Variants in FRMD4B observed in about 807,000 individuals in gnomAD.
The protein encoded by FRMD4B is FERM domain-containing protein 4B.
In FRMD4B, 74 loss-of-function variants were observed where a neutral mutation model predicts 141.5. That is an observed-to-expected ratio of 0.52 (90% CI 0.43 to 0.63). FRMD4B has a LOEUF of 0.63. Ranked by LOEUF, FRMD4B falls within the 30% of genes least tolerant of loss-of-function variation. FRMD4B has a pLI of 0.00. For missense variants in FRMD4B, 1,366 were observed against 1,253.4 expected, an observed-to-expected ratio of 1.09 and a Z score of -1.36; for synonymous variants, 506 against 467.9, an observed-to-expected ratio of 1.08 and a Z score of -1.05.
intron 1 of FRMD4B, among the ~76,000 whole-genome samples, chr3:69,325,483 T>C (rs531989781): frequency 6.6e-6 from 1 of 152,314 alleles, no homozygotes; most frequent in Non-Finnish European, 1.5e-5. Flanking sequence ...GCAAAGCAAC[T>C]TATTAAGCCT....
intron 1 of FRMD4B, among the ~76,000 whole-genome samples, chr3:69,452,870 T>G (rs4855409): frequency 6.6e-6 from 1 of 151,984 alleles, no homozygotes; most frequent in Admixed American, 6.5e-5. Flanking sequence ...GAAAGAAAAA[T>G]AGAATAAGTT....
intron 1 of FRMD4B, among the ~76,000 whole-genome samples, chr3:69,463,626 G>A (rs560156457): frequency 6.6e-6 from 1 of 152,332 alleles, no homozygotes; most frequent in Non-Finnish European, 1.5e-5. Context: ...GACTTGAGAT[G>A]ACACAATGTA....
intron 1 of FRMD4B, among the ~76,000 whole-genome samples, chr3:69,339,859 A>T (rs1027565256): frequency 2.0e-5 from 3 of 152,156 alleles, no homozygotes; most frequent in Non-Finnish European, 4.4e-5. Context: ...AAGTCCCCTG[A>T]GAGGGGATTC....
chr3:69,521,967 G>A (rs1229955225), intron 1 of FRMD4B, among the ~76,000 whole-genome samples: 2 of 152,136 alleles, frequency 1.3e-5, no homozygotes, highest in Non-Finnish European at 2.9e-5. Flanking sequence ...GCAGACATTC[G>A]ATGTTTCCTG....
At chr3:69,260,604 G>A (rs907613083) in intron 5 of FRMD4B, among the ~76,000 whole-genome samples, 17 of 152,254 alleles carry the variant, frequency 1.1e-4, no homozygotes, top group Non-Finnish European at 2.4e-4. Flanking sequence ...GCGCCGCCTG[G>A]TCCCATCGAC....
At chr3:69,487,637 A>C (rs1706236505) in intron 1 of FRMD4B, among the ~76,000 whole-genome samples, 1 of 152,078 alleles carries the variant, frequency 6.6e-6, no homozygotes, top group Non-Finnish European at 1.5e-5. Flanking sequence ...GTCAAAGATC[A>C]CTCTTCTGTT....
At chr3:69,187,186 A>G (rs937103771) in intron 19 of FRMD4B, among the ~76,000 whole-genome samples, 3 of 152,140 alleles carry the variant, frequency 2.0e-5, no homozygotes, top group African/African-American at 7.2e-5. Flanking sequence ...TGTCCCTATA[A>G]GTTAATATAG....
At chr3:69,206,111 G>A (rs1223116685) in intron 11 of FRMD4B, among the ~76,000 whole-genome samples, 1 of 152,140 alleles carries the variant, frequency 6.6e-6, no homozygotes, top group Admixed American at 6.5e-5. Flanking sequence ...CAGTACTTTG[G>A]GAGGCCGGGG....
rs754344023 is a variant in FRMD4B, at chr3:69,195,027, C to T, written c.1483G>A (p.Glu495Lys). Residue 495 changes from glutamate to lysine, a missense_variant, in exon 16 of 23, where the codon GAA becomes AAA. By Grantham distance (56) the Glu-to-Lys change is moderately conservative (BLOSUM62 1). Transcript: ENST00000398540. ...FKLDDNLLPS[E>K]EDPALQELES... ...CTCAGAGGCGTTGTTCATACTTCTT[C>T]ACTCGGCAGCAAGTTGTCATCTAAT... The T allele has an allele frequency of 1.2e-6, 2 of 1,613,342 alleles. No homozygotes were observed. Among genetic ancestry groups the T allele is most frequent in the Non-Finnish European group, 8.5e-7 (1 of 1,179,568 alleles).
At position 69,197,046 on chromosome 3, in the gene FRMD4B, A is replaced by G; in HGVS notation, c.954-8T>C. 6.2e-7 allele frequency: 1 copy of G among 1,609,586 alleles called. No individual in the cohort carries two copies. Among genetic ancestry groups the G allele is most frequent in the Middle Eastern group, 1.7e-4 (1 of 6,050 alleles). On this transcript the variant is annotated splice_region_variant and splice_polypyrimidine_tract_variant and intron_variant, in intron 12 of 22. Transcript: ENST00000398540. ...CTTCTTGAAACTGAAATCCTGAAAG[A>G]TTAAAGAAAGCACTCAAATAATTCC...
chr3:69,230,583 T>TA (rs2093297522), intron 7 of FRMD4B, among the ~76,000 whole-genome samples: 1 of 151,282 alleles, frequency 6.6e-6, no homozygotes. Flanking sequence ...CCACCTCTAT[T>TA]AAAAAAATAT....
intron 11 of FRMD4B, among the ~76,000 whole-genome samples, chr3:69,210,762 C>G (rs565800048): frequency 7.9e-5 from 12 of 152,132 alleles, no homozygotes; most frequent in African/African-American, 2.6e-4. Context: ...ATCTCTATTC[C>G]CAGAACTTTG....
chr3:69,211,994 A>C (rs1008057478), intron 11 of FRMD4B, among the ~76,000 whole-genome samples: 1 of 151,344 alleles, frequency 6.6e-6, no homozygotes, highest in Non-Finnish European at 1.5e-5. Context: ...CAAAAGAAGA[A>C]AGGAAGAAAT....
intron 1 of FRMD4B, among the ~76,000 whole-genome samples, chr3:69,437,216 G>A (rs1705272703): frequency 1.3e-5 from 2 of 151,982 alleles, no homozygotes; most frequent in South Asian, 2.1e-4. Context: ...GGGACCACAG[G>A]CACGCGCCAC....
chr3:69,181,484 G>C lies in FRMD4B; in HGVS notation c.2266C>G (p.Leu756Val). The C allele has an allele frequency of 6.2e-7, 1 of 1,613,942 alleles. No individual in the cohort carries two copies. Among genetic ancestry groups the C allele is most frequent in the Non-Finnish European group, 8.5e-7 (1 of 1,179,828 alleles). ...CTCCGACCCCTGGTGCGAGTGTCCA[G>C]GGTCTGGGTGGTGTAATAGGGGCCG... ...VTGPYYTTQT[L>V]DTRTRGRRRS... Residue 756 changes from leucine to valine, a missense_variant, in exon 21 of 23, where the codon CTG (leucine) becomes GTG (valine). Coordinates refer to ENST00000398540, the MANE Select transcript of FRMD4B (RefSeq NM_015123.3).
At chr3:69,344,818 T>C (rs748342281) in intron 1 of FRMD4B, among the ~76,000 whole-genome samples, 1 of 152,128 alleles carries the variant, frequency 6.6e-6, no homozygotes, top group Non-Finnish European at 1.5e-5. Context: ...ATTGTTCAAC[T>C]GAACTTACAA....
chr3:69,333,635 GT>G (rs1702450876), intron 1 of FRMD4B, among the ~76,000 whole-genome samples: 1 of 152,132 alleles, frequency 6.6e-6, no homozygotes, highest in African/African-American at 2.4e-5. Flanking sequence ...AATTGGGACT[GT>G]TTTTTCCCTA....
In FRMD4B at chr3:69,319,909, AAAAC is replaced by A. The variant is rs1701938498; in HGVS notation, c.163-6396_163-6393del. The stretch of plus-strand genomic sequence containing the variant: ...GATCAGATGAGTGGGTAGAAAAACA[AAAAC>A]AAAGAATCATGAAGCAGGCATGAAA... On this transcript the variant is annotated intron_variant, in intron 1 of 22. Transcript: ENST00000398540. Among the ~76,000 whole-genome samples, 4 of 152,242 alleles carry A rather than the reference AAAAC, an allele frequency of 2.6e-5. No homozygotes were observed. In the South Asian group the frequency reaches 8.3e-4, roughly 31 times the overall value.
intron 1 of FRMD4B, among the ~76,000 whole-genome samples, chr3:69,528,713 G>A (rs1455832850): frequency 6.6e-6 from 1 of 151,666 alleles, no homozygotes; most frequent in Non-Finnish European, 1.5e-5. Context: ...CCCAAACAAG[G>A]ATTCAAGTGT....
Sources: allele counts gnomAD v4.1 joint callset (sites outside exome capture counted in the v4.1 genomes callset), GRCh38; gene constraint gnomAD v4.1.1; transcripts MANE v1.5; gene names NCBI Gene and HGNC (gene_info 2026-07-23, HGNC 2026-07-21).